The following HLF variants were observed in gnomAD, a reference collection of about 807,000 sequenced individuals.
The protein encoded by HLF is HLF transcription factor, PAR bZIP family member.
Under a neutral mutation model 22.6 loss-of-function variants are expected in HLF, and 3 were observed. The observed-to-expected ratio is 0.13, with a 90% CI of 0.06 to 0.34. HLF has a LOEUF of 0.34. Ranked by LOEUF, HLF falls within the 10% of genes least tolerant of loss-of-function variation. The probability of loss-of-function intolerance (pLI) is 1.00; values close to 1 mark genes in which losing one functional copy is unlikely to be tolerated. For synonymous variants in HLF, 151 were observed against 151.8 expected (o/e 0.99, Z 0.04); for missense variants, 299 against 389.2 (o/e 0.77, Z 1.95).
At chr17:55,281,342 C>T (rs915561599) in intron 2 of HLF, among the ~76,000 whole-genome samples, 9 of 152,024 alleles carry the variant, frequency 5.9e-5, no homozygotes, top group South Asian at 4.1e-4. Flanking sequence ...GGTGAAACCC[C>T]GTCTCTACGA....
chr17:55,313,764 A>G (rs1393540302), intron 2 of HLF, among the ~76,000 whole-genome samples: 2 of 152,104 alleles, frequency 1.3e-5, no homozygotes, highest in Non-Finnish European at 2.9e-5. Flanking sequence ...CAGCTTGGCT[A>G]ATGAGAACTC....
chr17:55,289,949 G>A (rs555669695), intron 2 of HLF, among the ~76,000 whole-genome samples: 4 of 152,056 alleles, frequency 2.6e-5, no homozygotes, highest in South Asian at 2.1e-4. Context: ...AGAATTCTGC[G>A]TTCCCTTTGG....
rs1416702586 is a variant in HLF, at chr17:55,317,016, G to T, written c.672+1569G>T. Among the ~76,000 whole-genome samples the T allele has an allele frequency of 4.5e-5, 6 of 134,376 alleles. No homozygotes were observed. The East Asian group carries it at 1.3e-3, about 29-fold the overall frequency. The allele number at this position is 134,376 out of a possible 152,430, so 88.2% of individuals were successfully genotyped here. Reference sequence around the variant, plus strand: ...GGAGTCGCACTCTGTTGCCCAGGCTGGAGTGCAGTGGCACGATCTCAGCTC... The same window carrying T: ...GGAGTCGCACTCTGTTGCCCAGGCTTGAGTGCAGTGGCACGATCTCAGCTC... On this transcript the variant is annotated intron_variant, in intron 3 of 3. Transcript: ENST00000226067.
At chr17:55,273,122 G>C (rs2080873361) in intron 2 of HLF, 1 of 152,262 alleles carries the variant, frequency 6.6e-6, no homozygotes, top group Non-Finnish European at 1.5e-5. Flanking sequence ...GCAACTTGGT[G>C]GTTAGGATTG....
intron 2 of HLF, among the ~76,000 whole-genome samples, chr17:55,295,324 A>G (rs954621633): frequency 6.6e-6 from 1 of 152,276 alleles, no homozygotes; most frequent in Non-Finnish European, 1.5e-5. Context: ...ATGAATTTTC[A>G]TTAAATATGC....
chr17:55,301,185 C>T (rs1431157215), intron 2 of HLF, among the ~76,000 whole-genome samples: 1 of 152,266 alleles, frequency 6.6e-6, no homozygotes, highest in African/African-American at 2.4e-5. Context: ...CCTGTGACTC[C>T]CTGGGCAAAG....
chr17:55,280,424 C>A (rs896098134), intron 2 of HLF, among the ~76,000 whole-genome samples: 1 of 152,204 alleles, frequency 6.6e-6, no homozygotes, highest in African/African-American at 2.4e-5. Context: ...GATGTATGCT[C>A]TGTGAGCCCT....
chr17:55,268,623 C>T (rs2080819992), intron 2 of HLF, among the ~76,000 whole-genome samples: 1 of 151,968 alleles, frequency 6.6e-6, no homozygotes, highest in African/African-American at 2.4e-5. Flanking sequence ...CTTGTTTTGT[C>T]ATTAGCTGAG....
chr17:55,308,650 G>C (rs150738543), intron 2 of HLF, among the ~76,000 whole-genome samples: 1 of 152,144 alleles, frequency 6.6e-6, no homozygotes, highest in African/African-American at 2.4e-5. Flanking sequence ...ACTTCACAGC[G>C]TAAAACGACT....
At chr17:55,268,980 A>C (rs1002580949) in intron 2 of HLF, among the ~76,000 whole-genome samples, 2 of 152,210 alleles carry the variant, frequency 1.3e-5, no homozygotes, top group African/African-American at 4.8e-5. Context: ...TTTCATGTGC[A>C]CAGGTAACCA....
At chr17:55,288,432 G>C (rs1391590002) in intron 2 of HLF, among the ~76,000 whole-genome samples, 1 of 152,114 alleles carries the variant, frequency 6.6e-6, no homozygotes, top group Admixed American at 6.5e-5. Context: ...GCAGGTGTGA[G>C]CCACCACGCC....
intron 2 of HLF, among the ~76,000 whole-genome samples, chr17:55,303,828 G>A (rs140403612): frequency 3.3e-5 from 5 of 152,180 alleles, no homozygotes; most frequent in Admixed American, 2.6e-4. Flanking sequence ...TGGCTGTGAC[G>A]TCAGTAAGCT....
At chr17:55,280,771 T>G (rs1795147977) in intron 2 of HLF, among the ~76,000 whole-genome samples, 1 of 152,184 alleles carries the variant, frequency 6.6e-6, no homozygotes, top group South Asian at 2.1e-4. Context: ...TACATAATTC[T>G]TAACTCTCCT....
chr17:55,283,494 A>G (rs1451647464), intron 2 of HLF: 1 of 152,354 alleles, frequency 6.6e-6, no homozygotes, highest in Admixed American at 6.5e-5. Flanking sequence ...TCTACTGGGC[A>G]GCAGATCAAG....
intron 2 of HLF, among the ~76,000 whole-genome samples, chr17:55,275,793 A>G (rs2080899547): frequency 6.6e-6 from 1 of 152,160 alleles, no homozygotes; most frequent in African/African-American, 2.4e-5. Context: ...CCAAGCCTTT[A>G]CCATAAGTCA....
In HLF at chr17:55,325,146, T is replaced by C. The variant is rs1198655839; in HGVS notation, c.*4267T>C. 5.5e-6 allele frequency: 1 copy of C among 182,824 alleles called. No homozygotes were observed. The highest frequency in any genetic ancestry group is 2.4e-5 in the African/African-American group (1 of 42,470). 11.3% of individuals were successfully genotyped at this position (182,824 alleles called of 1,614,324 possible). A position where few individuals can be genotyped will look rare whatever the true frequency, so the allele number is the denominator to read the frequency against. ...TAGCAAAGAGACCATTTGTAGAGATTATTACCTAGATAATAAAATGATAAT... is the reference window on the plus strand; with the variant it reads ...TAGCAAAGAGACCATTTGTAGAGATCATTACCTAGATAATAAAATGATAAT... On this transcript the variant is annotated 3_prime_UTR_variant, in exon 4 of 4. Coordinates refer to ENST00000226067, the MANE Select transcript of HLF (RefSeq NM_002126.5).
chr17:55,265,734 G>T, intron 1 of HLF, 135 bp downstream of exon 1: 2 of 1,142,118 alleles, frequency 1.8e-6, no homozygotes, highest in South Asian at 1.8e-5. Context: ...CCGCGCTGAT[G>T]AAATTGAGGA....
chr17:55,270,530 A>G (rs1291676395), intron 2 of HLF, among the ~76,000 whole-genome samples: 5 of 152,234 alleles, frequency 3.3e-5, no homozygotes, highest in Non-Finnish European at 7.3e-5. Flanking sequence ...TACCAAGTTA[A>G]TCTTGAGGAA....
intron 2 of HLF, among the ~76,000 whole-genome samples, chr17:55,274,743 G>A (rs1452778866): frequency 6.6e-6 from 1 of 152,184 alleles, no homozygotes; most frequent in Non-Finnish European, 1.5e-5. Flanking sequence ...TGCCTCATAG[G>A]ACTGTTGAAG....
Sources: allele counts gnomAD v4.1 joint callset (sites outside exome capture counted in the v4.1 genomes callset), GRCh38; gene constraint gnomAD v4.1.1; transcripts MANE v1.5; gene names NCBI Gene and HGNC (gene_info 2026-07-23, HGNC 2026-07-21).